Variants in CHCHD3 observed in about 807,000 individuals in gnomAD.
CHCHD3 encodes MICOS complex subunit MIC19.
Under a neutral mutation model 38.2 loss-of-function variants are expected in CHCHD3, and 20 were observed. The ratio of observed to expected loss-of-function variants is 0.52; its 90% confidence interval spans 0.37 to 0.76. The LOEUF is 0.76. Among genes scored for constraint, CHCHD3 ranks in the 30% least tolerant of loss-of-function variants. The pLI is 0.00. For synonymous variants in CHCHD3, 82 were observed against 100.0 expected (o/e 0.82, Z 1.07); for missense variants, 245 against 279.2 (o/e 0.88, Z 0.87).
At chr7:132,839,669 C>A (rs1807888613) in intron 5 of CHCHD3, among the ~76,000 whole-genome samples, 1 of 152,074 alleles carries the variant, frequency 6.6e-6, no homozygotes, top group Non-Finnish European at 1.5e-5. Flanking sequence ...AAAGTGAAAT[C>A]CTCTTCACAC....
chr7:133,017,438 T>A (rs1049242792), intron 3 of CHCHD3, among the ~76,000 whole-genome samples: 2 of 152,122 alleles, frequency 1.3e-5, no homozygotes, highest in African/African-American at 4.8e-5. Flanking sequence ...AAACTCCACA[T>A]CCCCAGACCA....
chr7:132,802,032 G>A (rs1048396273), intron 6 of CHCHD3, among the ~76,000 whole-genome samples: 1 of 152,090 alleles, frequency 6.6e-6, no homozygotes, highest in Non-Finnish European at 1.5e-5. Context: ...GCTAAAATGA[G>A]CAACAGTACT....
At chr7:132,844,951 G>A (rs1235263840) in intron 5 of CHCHD3, 1 of 152,182 alleles carries the variant, frequency 6.6e-6, no homozygotes, top group African/African-American at 2.4e-5. Context: ...GAAAACATGG[G>A]CAACAAACTG....
intron 6 of CHCHD3, among the ~76,000 whole-genome samples, chr7:132,834,537 A>G (rs541538952): frequency 1.6e-4 from 24 of 152,194 alleles, no homozygotes; most frequent in Non-Finnish European, 3.4e-4. Flanking sequence ...AAGTTTGCAG[A>G]GCGGGGGAGG....
intron 7 of CHCHD3, among the ~76,000 whole-genome samples, chr7:132,794,602 A>C (rs1347643255): frequency 1.3e-5 from 2 of 152,172 alleles, no homozygotes; most frequent in African/African-American, 4.8e-5. Flanking sequence ...CCTCCTAATA[A>C]CTGAATATAA....
At chr7:133,065,668 CATCTAAATTTT>C (rs1814647006) in intron 2 of CHCHD3, among the ~76,000 whole-genome samples, 1 of 152,146 alleles carries the variant, frequency 6.6e-6, no homozygotes, top group Non-Finnish European at 1.5e-5. Context: ...TTTCATAACA[CATCTAAATTTT>C]AAATCCTAAG....
intron 5 of CHCHD3, among the ~76,000 whole-genome samples, chr7:132,864,262 C>T (rs1045566179): frequency 2.6e-5 from 4 of 151,998 alleles, no homozygotes; most frequent in African/African-American, 9.7e-5. Flanking sequence ...AGTATTGTTG[C>T]GTCTCAGGGA....
At chr7:132,869,238 A>G (rs865915267) in intron 5 of CHCHD3, among the ~76,000 whole-genome samples, 2 of 152,106 alleles carry the variant, frequency 1.3e-5, no homozygotes, top group Non-Finnish European at 2.9e-5. Context: ...GCCATCCCCA[A>G]ATGTCACAAC....
At chr7:133,038,573 C>G (rs1382687033) in intron 2 of CHCHD3, among the ~76,000 whole-genome samples, 1 of 152,144 alleles carries the variant, frequency 6.6e-6, no homozygotes, top group Non-Finnish European at 1.5e-5. Flanking sequence ...TTGATAACAC[C>G]AATCATCCTA....
Position 132,980,996 on chromosome 7 carries a change from G to GT in CHCHD3, c.252-5711dup, listed in dbSNP as rs942334071. Among the ~76,000 whole-genome samples, 8 of 151,818 alleles carry GT rather than the reference G, an allele frequency of 5.3e-5. No homozygotes were observed. The East Asian group carries it at 5.8e-4, about 11-fold the overall frequency. On this transcript the variant is annotated intron_variant, in intron 3 of 7. Transcript: ENST00000262570. ...ACTAGCTCTAGTTTTTTTGTTTTTT[G>GT]TTTTTTTGAAACATGGTCTTGCTCT...
chr7:132,858,273 G>A (rs11973794), intron 5 of CHCHD3, among the ~76,000 whole-genome samples: 35,085 of 151,922 alleles, frequency 0.23, 4,236 homozygotes, highest in South Asian at 0.26. Flanking sequence ...ACATTGACCA[G>A]GCTGGTCTTG....
At chr7:133,037,347 A>G (rs1280267874) in intron 2 of CHCHD3, among the ~76,000 whole-genome samples, 1 of 152,196 alleles carries the variant, frequency 6.6e-6, no homozygotes, top group African/African-American at 2.4e-5. Context: ...TAAATGTCCA[A>G]AAACAGTGAA....
At chr7:133,005,679 G>A (rs542349230) in intron 3 of CHCHD3, among the ~76,000 whole-genome samples, 1 of 152,260 alleles carries the variant, frequency 6.6e-6, no homozygotes, top group Admixed American at 6.5e-5. Flanking sequence ...TCAAAAAAAT[G>A]AAGGAATGGT....
At chr7:132,879,594 C>T (rs1000861843) in intron 5 of CHCHD3, among the ~76,000 whole-genome samples, 4 of 151,792 alleles carry the variant, frequency 2.6e-5, no homozygotes, top group African/African-American at 4.8e-5. Context: ...ACGATAACCA[C>T]GGTCCTACCC....
chr7:132,873,008 T>G (rs1808802968), intron 5 of CHCHD3, among the ~76,000 whole-genome samples: 1 of 151,954 alleles, frequency 6.6e-6, no homozygotes, highest in South Asian at 2.1e-4. Context: ...AGCAGAATCC[T>G]GAACTGAGGA....
chr7:132,894,685 G>A (rs1242669495), intron 4 of CHCHD3, among the ~76,000 whole-genome samples: 7 of 152,168 alleles, frequency 4.6e-5, no homozygotes, highest in Admixed American at 4.6e-4. Context: ...TCAGTACACA[G>A]TAGCTGAATC....
Position 132,892,843 on chromosome 7 carries a change from A to G in CHCHD3, c.370-7098T>C, listed in dbSNP as rs148115319. ...GATGTTGGGCCTGCAGGCGCACAGA[A>G]GTCAAGAATTGAGGTTTGCGAACCT... On this transcript the variant is annotated intron_variant, in intron 4 of 7. Coordinates refer to ENST00000262570, the MANE Select transcript of CHCHD3 (RefSeq NM_017812.4). Among the ~76,000 whole-genome samples, 893 of 152,372 alleles carry G rather than the reference A, an allele frequency of 5.9e-3. 8 individuals carry two copies. The highest frequency in any genetic ancestry group is 0.02 in the African/African-American group (845 of 41,586).
chr7:133,018,406 T>C (rs1813085763), intron 3 of CHCHD3, among the ~76,000 whole-genome samples: 1 of 152,246 alleles, frequency 6.6e-6, no homozygotes, highest in Non-Finnish European at 1.5e-5. Flanking sequence ...GTGTCAGTTG[T>C]GACTGCATTG....
At chr7:132,989,186 C>T (rs952598045) in intron 3 of CHCHD3, among the ~76,000 whole-genome samples, 7 of 152,080 alleles carry the variant, frequency 4.6e-5, no homozygotes, top group African/African-American at 1.7e-4. Context: ...TGTATTTAAC[C>T]AGCATTAAGT....
Sources: allele counts gnomAD v4.1 joint callset (sites outside exome capture counted in the v4.1 genomes callset), GRCh38; gene constraint gnomAD v4.1.1; transcripts MANE v1.5; gene names NCBI Gene and HGNC (gene_info 2026-07-23, HGNC 2026-07-21).